Variants in ZMAT4 observed in about 807,000 individuals in gnomAD.
The protein encoded by ZMAT4 is zinc finger matrin-type protein 4.
Under a neutral mutation model 28.7 loss-of-function variants are expected in ZMAT4, and 17 were observed. The ratio of observed to expected loss-of-function variants is 0.59; its 90% CI spans 0.41 to 0.89. ZMAT4 has a LOEUF of 0.89. Among genes scored for constraint, ZMAT4 ranks in the 40% least tolerant of loss-of-function variants. ZMAT4 has a pLI of 0.00. For synonymous variants in ZMAT4, 117 were observed against 109.2 expected (o/e 1.07, Z -0.44); for missense variants, 240 against 283.8 (o/e 0.85, Z 1.11).
At chr8:40,602,058 C>G (rs1056698105) in intron 5 of ZMAT4, among the ~76,000 whole-genome samples, 2 of 152,118 alleles carry the variant, frequency 1.3e-5, no homozygotes, top group Non-Finnish European at 2.9e-5. Context: ...TTGTATCATT[C>G]TTATGCCTTT....
intron 2 of ZMAT4, among the ~76,000 whole-genome samples, chr8:40,817,527 C>T (rs1395126904): frequency 6.6e-6 from 1 of 152,174 alleles, no homozygotes; most frequent in Non-Finnish European, 1.5e-5. Context: ...ACAGTGTCGC[C>T]CTGCAGGATA....
chr8:40,808,967 T>A (rs935032966), intron 2 of ZMAT4, among the ~76,000 whole-genome samples: 1 of 152,162 alleles, frequency 6.6e-6, no homozygotes, highest in Non-Finnish European at 1.5e-5. Flanking sequence ...TACCCAGTAC[T>A]AGGACTGCTG....
intron 5 of ZMAT4, among the ~76,000 whole-genome samples, chr8:40,589,762 T>TTCTTTCTTTCTTTCTTTCTTTC (rs139887440): frequency 9.0e-5 from 3 of 33,444 alleles, no homozygotes; most frequent in African/African-American, 8.4e-5. Flanking sequence ...CTTTCTTTCT[T>TTCTTTCTTTCTTTCTTTCTTTC]TTTCTTTCTT....
chr8:40,578,646 C>T (rs1469540649), intron 6 of ZMAT4, among the ~76,000 whole-genome samples: 3 of 152,212 alleles, frequency 2.0e-5, no homozygotes, highest in East Asian at 1.9e-4. Flanking sequence ...CAAGCATGCC[C>T]GCACATGATA....
intron 5 of ZMAT4, among the ~76,000 whole-genome samples, chr8:40,670,348 A>C (rs751164026): frequency 1.3e-5 from 2 of 152,228 alleles, no homozygotes; most frequent in Non-Finnish European, 2.9e-5. Flanking sequence ...AAATGAAATA[A>C]ATTTTAACCT....
chr8:40,657,280 T>C (rs903067863), intron 5 of ZMAT4, among the ~76,000 whole-genome samples: 9 of 152,336 alleles, frequency 5.9e-5, no homozygotes, highest in African/African-American at 2.2e-4. Context: ...TCATTTTCCA[T>C]CCTTTTTGAA....
At chr8:40,734,691 G>A (rs1411471958) in intron 3 of ZMAT4, among the ~76,000 whole-genome samples, 2 of 152,006 alleles carry the variant, frequency 1.3e-5, no homozygotes, top group African/African-American at 2.4e-5. Flanking sequence ...AATGTCAAAG[G>A]GAAAGTAGGA....
At position 40,799,079 on chromosome 8, in the gene ZMAT4, C is replaced by A. The variant is rs540663365; in HGVS notation, c.102+26496G>T. On this transcript the variant is annotated intron_variant, in intron 2 of 6. Transcript: ENST00000297737. ...GCTGGCTGGTTGGCTGGCTGGCTGG[C>A]TGGATGGATGGATGGATGGATGGAT... 9.7e-3 allele frequency among the ~76,000 whole-genome samples: 1,458 copies of A among 150,278 alleles called. 24 individuals are homozygous for A. Among genetic ancestry groups the A allele is most frequent in the African/African-American group, 0.034 (1,380 of 40,850 alleles).
chr8:40,675,669 T>C (rs910388924), intron 4 of ZMAT4, among the ~76,000 whole-genome samples: 1 of 152,182 alleles, frequency 6.6e-6, no homozygotes, highest in African/African-American at 2.4e-5. Flanking sequence ...TAAATGTAAT[T>C]AACCAATAAA....
intron 1 of ZMAT4, among the ~76,000 whole-genome samples, chr8:40,856,561 G>C (rs1165308494): frequency 6.6e-6 from 1 of 152,178 alleles, no homozygotes; most frequent in Non-Finnish European, 1.5e-5. Context: ...GGGCACTGCA[G>C]AATCAAAGGT....
chr8:40,750,585 T>C (rs868477080), intron 3 of ZMAT4, among the ~76,000 whole-genome samples: 1 of 152,132 alleles, frequency 6.6e-6, no homozygotes, highest in Non-Finnish European at 1.5e-5. Flanking sequence ...TTGAGATTCA[T>C]GAGAAAAATA....
intron 2 of ZMAT4, among the ~76,000 whole-genome samples, chr8:40,806,938 G>T (rs543119473): frequency 6.6e-6 from 1 of 151,776 alleles, no homozygotes; most frequent in African/African-American, 2.4e-5. Flanking sequence ...AGAAGAAAAC[G>T]CTCAGAAATA....
intron 3 of ZMAT4, among the ~76,000 whole-genome samples, chr8:40,731,990 C>G (rs772964872): frequency 2.6e-5 from 4 of 152,104 alleles, no homozygotes; most frequent in Non-Finnish European, 5.9e-5. Context: ...AAATACTGTG[C>G]GATTCCACTT....
chr8:40,786,726 A>G (rs1476145136), intron 2 of ZMAT4: 1 of 1,289,308 alleles, frequency 7.8e-7, no homozygotes, highest in South Asian at 1.2e-5. Flanking sequence ...TCAGTGTGAC[A>G]TCTTCTTTTG....
chr8:40,709,404 A>C (rs532967399), intron 3 of ZMAT4, among the ~76,000 whole-genome samples: 1 of 152,318 alleles, frequency 6.6e-6, no homozygotes, highest in African/African-American at 2.4e-5. Context: ...ACACAAAAAA[A>C]TTTTTCAGTA....
intron 6 of ZMAT4, among the ~76,000 whole-genome samples, chr8:40,572,585 T>A (rs1804132289): frequency 6.6e-6 from 1 of 152,172 alleles, no homozygotes. Flanking sequence ...AATGGGGAAT[T>A]GTTCATTAAT....
At chr8:40,657,740 A>G (rs1052456235) in intron 5 of ZMAT4, among the ~76,000 whole-genome samples, 1 of 152,210 alleles carries the variant, frequency 6.6e-6, no homozygotes, top group African/African-American at 2.4e-5. Context: ...AAAGTTGAAC[A>G]AAATGATCTT....
chr8:40,727,988 G>A (rs1327222169), intron 3 of ZMAT4, among the ~76,000 whole-genome samples: 1 of 152,094 alleles, frequency 6.6e-6, no homozygotes, highest in South Asian at 2.1e-4. Flanking sequence ...AGCAAAAATA[G>A]GTAGTTATGG....
At chr8:40,644,099 G>A (rs1429637977) in intron 5 of ZMAT4, among the ~76,000 whole-genome samples, 2 of 152,004 alleles carry the variant, frequency 1.3e-5, no homozygotes, top group South Asian at 2.1e-4. Flanking sequence ...GGTTGAAGAG[G>A]GAAACCATTT....
Sources: gnomAD v4.1 joint callset for allele counts (sites outside exome capture counted in the v4.1 genomes callset) on GRCh38, gnomAD v4.1.1 for gene constraint, MANE v1.5 for transcripts, NCBI Gene and HGNC (gene_info 2026-07-23, HGNC 2026-07-21) for gene names.